ERCC6L2: variants seen among roughly 807,000 people sequenced by gnomAD.
ERCC6L2 encodes DNA excision repair protein ERCC-6-like 2.
Under a neutral mutation model 132.0 loss-of-function variants are expected in ERCC6L2, and 77 were observed. The ratio of observed to expected loss-of-function variants is 0.58; its 90% CI spans 0.49 to 0.71. The LOEUF is 0.71. ERCC6L2 is among the 30% of genes least tolerant of loss of function. The probability of loss-of-function intolerance (pLI) is 0.00; values close to 1 mark genes in which losing one functional copy is unlikely to be tolerated. For missense variants in ERCC6L2, 1,542 were observed against 1,837.6 expected, an observed-to-expected ratio of 0.84 and a Z score of 2.94; for synonymous variants, 583 against 632.4, an observed-to-expected ratio of 0.92 and a Z score of 1.17.
intron 19 of ERCC6L2, among the ~76,000 whole-genome samples, chr9:96,025,072 T>C (rs920756341): frequency 6.6e-6 from 1 of 152,366 alleles, no homozygotes; most frequent in African/African-American, 2.4e-5. Flanking sequence ...GCTTCAAGTC[T>C]TTCACTTCTT....
At chr9:95,976,059 C>T (rs1832657337) in intron 16 of ERCC6L2, among the ~76,000 whole-genome samples, 1 of 152,012 alleles carries the variant, frequency 6.6e-6, no homozygotes, top group Non-Finnish European at 1.5e-5. Flanking sequence ...AGATTTGACC[C>T]TGCTGCTTTT....
Position 96,015,094 on chromosome 9 carries a change from C to T in ERCC6L2, c.*1891C>T, listed in dbSNP as rs1834157405. On this transcript the variant is annotated 3_prime_UTR_variant, in exon 19 of 19. Coordinates refer to ENST00000653738, the MANE Select transcript of ERCC6L2 (RefSeq NM_020207.7). Reference sequence around the variant, plus strand: ...CTGGAGTACAGTGGCATGATCTTGGCTCACTGCAACCTCCACCTCCCTCCC... The same window carrying T: ...CTGGAGTACAGTGGCATGATCTTGGTTCACTGCAACCTCCACCTCCCTCCC... 8.2e-6 allele frequency among the ~76,000 whole-genome samples: 1 copy of T among 121,298 alleles called. No individual in the cohort carries two copies. The allele number at this position is 121,298 out of a possible 152,430, so 79.6% of individuals were successfully genotyped here. A position where few individuals can be genotyped will look rare whatever the true frequency, so the allele number is the denominator to read the frequency against.
At chr9:95,937,166 A>G (rs1830594552) in intron 11 of ERCC6L2, among the ~76,000 whole-genome samples, 1 of 152,204 alleles carries the variant, frequency 6.6e-6, no homozygotes, top group African/African-American at 2.4e-5. Context: ...ATTATGTGAT[A>G]GTTGCGTATT....
rs1834080046 is a variant in ERCC6L2 at position 96,012,865 on chromosome 9, C to T, written c.4315C>T (p.Leu1439Phe). The stretch of plus-strand genomic sequence containing the variant: ...GGAAAATACTTCTGTGATAAGCTTA[C>T]TTGGTGATACCTCTATTCTTGATGA... Reference protein sequence around the residue: ...VLENTSVISLLGDTSILDDLF... With the variant: ...VLENTSVISLFGDTSILDDLF... The change falls in exon 19 of 19, where the codon CTT becomes TTT. Residue 1439 changes from leucine (L) to phenylalanine (F), a missense_variant. Physicochemically the swap from Leu to Phe is conservative, Grantham distance 22. Around this residue, in one of 4 missense-constraint regions of ERCC6L2, gnomAD observed 442 missense variants for 583.4 expected, o/e 0.76. Transcript: ENST00000653738. 7.3e-7 allele frequency: 1 copy of T among 1,367,518 alleles called. No homozygotes were observed. Among genetic ancestry groups the T allele is most frequent in the African/African-American group, 1.5e-5 (1 of 67,764 alleles). 84.7% of individuals were successfully genotyped at this position (1,367,518 alleles called of 1,614,324 possible). A position where few individuals can be genotyped will look rare whatever the true frequency, so the allele number is the denominator to read the frequency against.
intron 18 of ERCC6L2, among the ~76,000 whole-genome samples, 194 bp from the exon 19 acceptor site, chr9:96,012,031 T>A (rs1472153844): frequency 1.3e-5 from 2 of 152,182 alleles, no homozygotes; most frequent in Non-Finnish European, 2.9e-5. Context: ...GCTAAAATAC[T>A]TTTCTCAGTA....
intron 3 of ERCC6L2, among the ~76,000 whole-genome samples, chr9:95,905,347 T>C (rs1259559174): frequency 1.3e-5 from 2 of 152,186 alleles, no homozygotes; most frequent in Admixed American, 6.6e-5. Flanking sequence ...TGAAGACCAA[T>C]GTTTGTAAGA....
rs754295281 is a variant in ERCC6L2, at chr9:95,887,122, C to T, written c.471+5829C>T. 4.6e-5 allele frequency among the ~76,000 whole-genome samples: 7 copies of T among 152,098 alleles called. No individual in the cohort carries two copies. The East Asian group carries it at 1.4e-3, about 29-fold the overall frequency. On this transcript the variant is annotated intron_variant, in intron 2 of 18. Coordinates refer to ENST00000653738, the MANE Select transcript of ERCC6L2 (RefSeq NM_020207.7). ...TCTGTCCCTCTAGAGAACCCTAATA[C>T]ACCTGCCTTACAGAGTTCACAAAAG...
At chr9:95,882,794 T>C (rs983317850) in intron 2 of ERCC6L2, among the ~76,000 whole-genome samples, 6 of 152,242 alleles carry the variant, frequency 3.9e-5, no homozygotes, top group African/African-American at 1.4e-4. Flanking sequence ...GCCTAGGCAG[T>C]GCAGATAGTT....
At chr9:95,909,178 G>A (rs927058404) in intron 4 of ERCC6L2, among the ~76,000 whole-genome samples, 7 of 152,202 alleles carry the variant, frequency 4.6e-5, no homozygotes, top group East Asian at 1.9e-4. Context: ...CCAGGGATTG[G>A]TAAACTTTTT....
intron 13 of ERCC6L2, among the ~76,000 whole-genome samples, chr9:95,965,508 G>A (rs1315456181): frequency 6.6e-6 from 1 of 151,956 alleles, no homozygotes; most frequent in Non-Finnish European, 1.5e-5. Flanking sequence ...CAATAGTTAA[G>A]CATTTCTCTT....
chr9:96,039,661 G>A (rs538123651), intron 20 of ERCC6L2, among the ~76,000 whole-genome samples: 9 of 152,106 alleles, frequency 5.9e-5, no homozygotes, highest in Non-Finnish European at 1.2e-4. Flanking sequence ...CTCTTGGGGT[G>A]GCTTGACCCT....
chr9:95,941,429 C>CT (rs10712273), intron 11 of ERCC6L2, 25 bp from the exon 12 acceptor site: 44,831 of 1,049,484 alleles, frequency 0.043, no homozygotes, highest in Non-Finnish European at 0.048. Flanking sequence ...TTCTAATGTG[C>CT]TTTTTTTTTT....
rs1219423043 is a variant in ERCC6L2 at position 95,978,104 on chromosome 9, A to G, written c.3381A>G (p.Val1127=). Reference sequence around the variant, plus strand: ...CTTATATTCACTCAAACCAGAATGTAATTGGATCGAGCAAAGCTGAAAATC... The same window carrying G: ...CTTATATTCACTCAAACCAGAATGTGATTGGATCGAGCAAAGCTGAAAATC... ...EVAYIHSNQN[V]IGSSKAENHM... is the part of the protein sequence containing the mutation. Residue 1127 remains valine, a synonymous_variant, in exon 17 of 19, where the codon GTA becomes GTG. Transcript: ENST00000653738. The G allele has an allele frequency of 1.4e-5, 19 of 1,367,500 alleles. No individual in the cohort carries two copies. Among genetic ancestry groups the G allele is most frequent in the Non-Finnish European group, 1.8e-5 (18 of 1,021,768 alleles). 84.7% of individuals were successfully genotyped at this position (1,367,500 alleles called of 1,614,324 possible).
At chr9:95,921,443 AAT>A in intron 7 of ERCC6L2, 128 bp downstream of exon 7, 2 of 588,796 alleles carry the variant, frequency 3.4e-6, no homozygotes, top group East Asian at 3.5e-5. Context: ...TGTCTTAAAA[AAT>A]AGTTTTCAAA....
chr9:96,012,747 C>G lies in ERCC6L2; in HGVS notation c.4197C>G (p.Thr1399=), dbSNP rs760364807. 3 of 1,367,360 alleles carry G rather than the reference C, an allele frequency of 2.2e-6. No individual in the cohort carries two copies. Among genetic ancestry groups the G allele is most frequent in the East Asian group, 4.5e-5 (1 of 22,004 alleles). The allele number at this position is 1,367,360 out of a possible 1,614,324, so 84.7% of individuals were successfully genotyped here. ...CACGTGAGAGAAGGTTAGAAAATAC[C>G]ATGAAAGACCAACAGGACCTCACAA... ...SETRERRLEN[T]MKDQQDLTRT... Residue 1399 remains threonine, a synonymous_variant, in exon 19 of 19, where the codon ACC becomes ACG. Coordinates refer to ENST00000653738, the MANE Select transcript of ERCC6L2 (RefSeq NM_020207.7).
At chr9:95,933,020 TTTC>T (rs538335556) in intron 11 of ERCC6L2, among the ~76,000 whole-genome samples, 30 of 152,158 alleles carry the variant, frequency 2.0e-4, no homozygotes, top group Non-Finnish European at 3.1e-4. Context: ...CTAGGGCCTT[TTTC>T]TTCTTCTTTA....
chr9:95,934,532 A>G (rs1443917446), intron 11 of ERCC6L2, among the ~76,000 whole-genome samples: 1 of 151,844 alleles, frequency 6.6e-6, no homozygotes, highest in African/African-American at 2.4e-5. Flanking sequence ...CCTTAACCAC[A>G]GGTCAAGTTA....
At chr9:96,035,972 G>T (rs1834513500) in intron 19 of ERCC6L2, among the ~76,000 whole-genome samples, 1 of 152,164 alleles carries the variant, frequency 6.6e-6, no homozygotes, top group African/African-American at 2.4e-5. Context: ...GAAACTTTCG[G>T]AAAATAAATA....
At chr9:95,965,374 T>C (rs992155854) in intron 13 of ERCC6L2, among the ~76,000 whole-genome samples, 5 of 152,156 alleles carry the variant, frequency 3.3e-5, no homozygotes, top group African/African-American at 1.2e-4. Context: ...AAGGATTAAA[T>C]GAGAGTATGG....
Sources: gnomAD v4.1 joint callset for allele counts (sites outside exome capture counted in the v4.1 genomes callset) on GRCh38, gnomAD v4.1.1 for gene constraint, gnomAD v4.1.1 regional missense constraint, MANE v1.5 for transcripts, NCBI Gene and HGNC (gene_info 2026-07-23, HGNC 2026-07-21) for gene names.